JPH2: variants seen among roughly 807,000 people sequenced by gnomAD.
The protein encoded by JPH2 is junctophilin 2, also known as junctophilin-2.
A neutral mutation model predicts 55.9 loss-of-function variants in JPH2; 38 were observed. That is an observed-to-expected ratio of 0.68 (90% CI 0.52 to 0.89). JPH2 has a LOEUF of 0.89. Ranked by LOEUF, JPH2 falls within the 40% of genes least tolerant of loss-of-function variation. The probability of loss-of-function intolerance (pLI) is 0.00; values close to 1 mark genes in which losing one functional copy is unlikely to be tolerated. For synonymous variants in JPH2, 480 were observed against 472.4 expected (o/e 1.02, Z -0.21); for missense variants, 964 against 1,037.6 (o/e 0.93, Z 0.97).
intron 1 of JPH2, among the ~76,000 whole-genome samples, chr20:44,169,996 C>T (rs2072685875): frequency 6.6e-6 from 1 of 152,146 alleles, no homozygotes; most frequent in African/African-American, 2.4e-5. Context: ...GCCTCCAGAA[C>T]TCTAGGAAAT....
intron 1 of JPH2, among the ~76,000 whole-genome samples, chr20:44,170,991 C>T (rs1359994895): frequency 1.3e-5 from 2 of 152,178 alleles, no homozygotes; most frequent in African/African-American, 2.4e-5. Flanking sequence ...ACAGTAGTAT[C>T]CTCCCTGCCC....
chr20:44,125,113 CAAA>C (rs11299035), intron 2 of JPH2, among the ~76,000 whole-genome samples: 33 of 117,998 alleles, frequency 2.8e-4, no homozygotes, highest in African/African-American at 2.6e-4. Flanking sequence ...GACTCTGGCT[CAAA>C]AAAAAAAAAA....
At chr20:44,165,914 C>T (rs2072652942) in intron 1 of JPH2, among the ~76,000 whole-genome samples, 1 of 152,220 alleles carries the variant, frequency 6.6e-6, no homozygotes, top group Non-Finnish European at 1.5e-5. Flanking sequence ...TATCTCCCTT[C>T]CTTGCTTTAT....
Position 44,132,691 on chromosome 20 carries a change from G to A in JPH2, c.1170-14068C>T, listed in dbSNP as rs1445437836. ...CCTGCAGCTCTCACCCACCCCCACC[G>A]TCCCCCTCCACACCTGCAGCTCTCA... On this transcript the variant is annotated intron_variant, in intron 2 of 5. Transcript: ENST00000372980. Among the ~76,000 whole-genome samples the A allele has an allele frequency of 8.6e-4, 17 of 19,838 alleles. No individual in the cohort carries two copies. In the East Asian group the frequency reaches 0.016, roughly 19 times the overall value. 13.0% of individuals were successfully genotyped at this position (19,838 alleles called of 152,430 possible).
At chr20:44,182,677 C>G (rs1262627578) in intron 1 of JPH2, among the ~76,000 whole-genome samples, 4 of 152,334 alleles carry the variant, frequency 2.6e-5, no homozygotes, top group East Asian at 3.9e-4. Context: ...CCTTCTGAGA[C>G]GACTCCATCT....
At chr20:44,168,665 G>A (rs948613397) in intron 1 of JPH2, among the ~76,000 whole-genome samples, 13 of 152,302 alleles carry the variant, frequency 8.5e-5, no homozygotes, top group Non-Finnish European at 1.3e-4. Context: ...ACAGCCAAGC[G>A]TCCTGACTAG....
chr20:44,164,244 G>A (rs755353828), intron 1 of JPH2, among the ~76,000 whole-genome samples: 3 of 152,182 alleles, frequency 2.0e-5, no homozygotes, highest in Admixed American at 1.3e-4. Flanking sequence ...CCAACAGGTC[G>A]CATTTCCCAA....
chr20:44,108,742 T>A lies in JPH2; in HGVS notation c.*4776A>T, dbSNP rs1213539353. Among the ~76,000 whole-genome samples the A allele has an allele frequency of 1.3e-5, 2 of 152,022 alleles. No homozygotes were observed. Among genetic ancestry groups the A allele is most frequent in the African/African-American group, 4.8e-5 (2 of 41,370 alleles). On this transcript the variant is annotated 3_prime_UTR_variant, in exon 6 of 6. Transcript: ENST00000372980. ...TTCTGACACATGAGGTGCCCTGGCA[T>A]CTGTTGCCGTACATGAGGGTCTCAC...
At chr20:44,139,646 T>C (rs887194897) in intron 2 of JPH2, among the ~76,000 whole-genome samples, 2 of 152,228 alleles carry the variant, frequency 1.3e-5, no homozygotes, top group African/African-American at 2.4e-5. Context: ...AATCTATACA[T>C]TTGTTTATAT....
rs1023647867 is a variant in JPH2, at chr20:44,107,390, C to T, written c.*6128G>A. 2.0e-5 allele frequency among the ~76,000 whole-genome samples: 3 copies of T among 152,146 alleles called. No individual in the cohort carries two copies. The highest frequency in any genetic ancestry group is 4.4e-5 in the Non-Finnish European group (3 of 68,038). On this transcript the variant is annotated 3_prime_UTR_variant, in exon 6 of 6. Transcript: ENST00000372980. ...CTTCTCCCTGAGGACACATGTAGTC[C>T]GTATTTCCCAGCCTCCCTTGAAGCT...
chr20:44,135,017 G>A (rs2072399493), intron 2 of JPH2, among the ~76,000 whole-genome samples: 1 of 146,890 alleles, frequency 6.8e-6, no homozygotes, highest in Non-Finnish European at 1.5e-5. Flanking sequence ...ACCAAGAGGG[G>A]TAGGGGGGAT....
chr20:44,155,502 T>C (rs1157770199), intron 2 of JPH2, among the ~76,000 whole-genome samples: 1 of 152,176 alleles, frequency 6.6e-6, no homozygotes, highest in Non-Finnish European at 1.5e-5. Context: ...TAGGTAGATA[T>C]TCCCCCCTCC....
At chr20:44,123,137 C>T (rs1162506243) in intron 2 of JPH2, among the ~76,000 whole-genome samples, 1 of 152,158 alleles carries the variant, frequency 6.6e-6, no homozygotes, top group Non-Finnish European at 1.5e-5. Context: ...GTGCTGGAAG[C>T]AAGCATACTC....
chr20:44,159,510 TAAA>T lies in JPH2; in HGVS notation c.1169+105_1169+107del. The T allele has an allele frequency of 8.4e-7, 1 of 1,187,080 alleles. No homozygotes were observed. The highest frequency in any genetic ancestry group is 2.6e-5 in the East Asian group (1 of 39,084). 73.5% of individuals were successfully genotyped at this position (1,187,080 alleles called of 1,614,324 possible). A position where few individuals can be genotyped will look rare whatever the true frequency, so the allele number is the denominator to read the frequency against. On this transcript the variant is annotated intron_variant, in intron 2 of 5. Coordinates refer to ENST00000372980, the MANE Select transcript of JPH2 (RefSeq NM_020433.5). This position sits in a 1 kb window ranked among gnomAD's most constrained non-coding sequence, Gnocchi z 5.7. Reference sequence around the variant, plus strand: ...AATTAACCCCTGAAGGTGATGGGGGTAAAAGAAGCAGAATCAGGCTTGGAGACA... The same window carrying T: ...AATTAACCCCTGAAGGTGATGGGGGTAGAAGCAGAATCAGGCTTGGAGACA...
In JPH2 at chr20:44,160,238, C is replaced by A. The variant is rs1241788627; in HGVS notation, c.549G>T (p.Pro183=). 6.7e-7 allele frequency: 1 copy of A among 1,499,694 alleles called. No homozygotes were observed. The allele number at this position is 1,499,694 out of a possible 1,614,324, so 92.9% of individuals were successfully genotyped here. A position where few individuals can be genotyped will look rare whatever the true frequency, so the allele number is the denominator to read the frequency against. The stretch of plus-strand genomic sequence containing the variant: ...AGGGCAGCGCGGGGCCGTCGGAGGC[C>A]GGCGAGGCGGGAGAGTCCGGGGCCA... The part of the protein sequence containing the change: ...GTVAPDSPAS[P]ASDGPALPSP... The change falls in exon 2 of 6, where the codon CCG becomes CCT. Residue 183 remains proline (P), a synonymous_variant. Transcript: ENST00000372980. The surrounding 1 kb of genome is among the most constrained non-coding windows in gnomAD (Gnocchi z 4.9).
At position 44,106,847 on chromosome 20, in the gene JPH2, G is replaced by A. The variant is rs1365345335; in HGVS notation, c.*6671C>T. 1.3e-5 allele frequency among the ~76,000 whole-genome samples: 2 copies of A among 152,068 alleles called. No individual in the cohort carries two copies. The highest frequency in any genetic ancestry group is 4.8e-5 in the African/African-American group (2 of 41,386). On this transcript the variant is annotated 3_prime_UTR_variant, in exon 6 of 6. Coordinates refer to ENST00000372980, the MANE Select transcript of JPH2 (RefSeq NM_020433.5). ...TGGGTCCCTCCCACAACGTGTGGGT[G>A]GGAATTTAAGATGAGATTTGGGTGA...
In JPH2 at chr20:44,159,518, G is replaced by C; in HGVS notation, c.1169+100C>G. The C allele has an allele frequency of 7.9e-7, 1 of 1,260,496 alleles. No homozygotes were observed. The highest frequency in any genetic ancestry group is 1.1e-6 in the Non-Finnish European group (1 of 900,506). 78.1% of individuals were successfully genotyped at this position (1,260,496 alleles called of 1,614,324 possible). A position where few individuals can be genotyped will look rare whatever the true frequency, so the allele number is the denominator to read the frequency against. ...CCTGAAGGTGATGGGGGTAAAAGAA[G>C]CAGAATCAGGCTTGGAGACAGGGCC... On this transcript the variant is annotated intron_variant, in intron 2 of 5. Coordinates refer to ENST00000372980, the MANE Select transcript of JPH2 (RefSeq NM_020433.5). The surrounding 1 kb of genome is among the most constrained non-coding windows in gnomAD (Gnocchi z 5.7).
intron 2 of JPH2, among the ~76,000 whole-genome samples, chr20:44,141,553 G>A (rs1033015064): frequency 5.3e-5 from 8 of 152,086 alleles, no homozygotes; most frequent in Non-Finnish European, 1.0e-4. Context: ...CTGTTGCCCA[G>A]GCTAGAGTGC....
At position 44,177,373 on chromosome 20, in the gene JPH2, T is replaced by C. The variant is rs536595648; in HGVS notation, c.379+8954A>G. ...AGCTGCTGGGCACGGAATTAGCAGGTCCCGGAAACAAGCAAGCTCGATGAA... is the reference window on the plus strand; with the variant it reads ...AGCTGCTGGGCACGGAATTAGCAGGCCCCGGAAACAAGCAAGCTCGATGAA... On this transcript the variant is annotated intron_variant, in intron 1 of 5. Coordinates refer to ENST00000372980, the MANE Select transcript of JPH2 (RefSeq NM_020433.5). The C allele has an allele frequency of 3.0e-5, 30 of 987,456 alleles. No individual in the cohort carries two copies. In the African/African-American group the frequency reaches 3.3e-4, roughly 11 times the overall value. The allele number at this position is 987,456 out of a possible 1,614,324, so 61.2% of individuals were successfully genotyped here.
Sources: gnomAD v4.1 joint callset for allele counts (sites outside exome capture counted in the v4.1 genomes callset) on GRCh38, gnomAD v4.1.1 for gene constraint, Gnocchi (gnomAD v3.1) non-coding constraint, MANE v1.5 for transcripts, NCBI Gene and HGNC (gene_info 2026-07-23, HGNC 2026-07-21) for gene names.